PCDH15: variants seen among roughly 807,000 people sequenced by gnomAD.
PCDH15 encodes the protein protocadherin related 15.
PCDH15 carries 129 observed loss-of-function variants against 178.5 expected under a neutral mutation model. That is an observed-to-expected ratio of 0.72 (90% CI 0.63 to 0.84). The LOEUF is 0.84. Among genes scored for constraint, PCDH15 ranks in the 40% least tolerant of loss-of-function variants. The probability of loss-of-function intolerance (pLI) is 0.00; values close to 1 mark genes in which losing one functional copy is unlikely to be tolerated. For missense variants in PCDH15, 2,230 were observed against 2,099.9 expected (o/e 1.06, Z -1.21); for synonymous variants, 800 against 732.0 (o/e 1.09, Z -1.50).
intron 2 of PCDH15, among the ~76,000 whole-genome samples, chr10:55,506,606 G>A (rs771261785): frequency 3.3e-5 from 5 of 151,484 alleles, no homozygotes; most frequent in Non-Finnish European, 1.5e-5. Flanking sequence ...AAGAGGTATC[G>A]AGGAGGAACA....
chr10:53,831,290 A>C, intron 30 of PCDH15, 25 bp downstream of exon 30: 1 of 1,605,760 alleles, frequency 6.2e-7, no homozygotes, highest in Non-Finnish European at 8.5e-7. Context: ...GGAACTATCC[A>C]GGTTTACCAT....
chr10:54,045,055 T>C (rs572948353), intron 18 of PCDH15, among the ~76,000 whole-genome samples: 9 of 152,200 alleles, frequency 5.9e-5, no homozygotes, highest in East Asian at 3.9e-4. Context: ...AGTAGAATAC[T>C]GGAAAAGCCT....
chr10:54,066,682 T>C, intron 18 of PCDH15, 75 bp downstream of exon 18: 1 of 1,482,740 alleles, frequency 6.7e-7, no homozygotes, highest in South Asian at 1.2e-5. Context: ...CTGAGTTTCT[T>C]TTGAGAATTA....
intron 3 of PCDH15, among the ~76,000 whole-genome samples, chr10:54,395,605 A>T (rs1440430350): frequency 6.6e-6 from 1 of 151,922 alleles, no homozygotes; most frequent in Non-Finnish European, 1.5e-5. Context: ...TTAAAGTCAC[A>T]GTTTCCAAGA....
At chr10:54,463,333 TTA>T (rs2077315066) in intron 3 of PCDH15, among the ~76,000 whole-genome samples, 1 of 152,190 alleles carries the variant, frequency 6.6e-6, no homozygotes, top group African/African-American at 2.4e-5. Flanking sequence ...TTCAAAATAA[TTA>T]TGTTTTACCA....
chr10:54,476,781 T>C (rs1223134841), intron 3 of PCDH15, among the ~76,000 whole-genome samples: 1 of 152,140 alleles, frequency 6.6e-6, no homozygotes, highest in African/African-American at 2.4e-5. Context: ...TGTTATTCTG[T>C]GGTCATCTAT....
At chr10:54,593,587 G>T (rs2092021341) in intron 2 of PCDH15, among the ~76,000 whole-genome samples, 1 of 152,000 alleles carries the variant, frequency 6.6e-6, no homozygotes, top group East Asian at 1.9e-4. Flanking sequence ...AAATTATTTT[G>T]AAATCAGAAA....
chr10:55,485,666 AC>A (rs1444816426), intron 2 of PCDH15, among the ~76,000 whole-genome samples: 1 of 151,604 alleles, frequency 6.6e-6, no homozygotes, highest in Non-Finnish European at 1.5e-5. Context: ...AGGATTTAAC[AC>A]AGGTATGTCA....
chr10:53,879,100 C>CT (rs34125585), intron 26 of PCDH15, among the ~76,000 whole-genome samples: 279 of 150,152 alleles, frequency 1.9e-3, no homozygotes, highest in African/African-American at 5.9e-3. Context: ...TCTATTTGTT[C>CT]TTTTTTTTTT....
chr10:55,567,085 T>C (rs985272372), intron 2 of PCDH15, among the ~76,000 whole-genome samples: 8 of 151,962 alleles, frequency 5.3e-5, no homozygotes, highest in African/African-American at 1.9e-4. Context: ...GACAGACATA[T>C]GGACCGGTGT....
intron 2 of PCDH15, among the ~76,000 whole-genome samples, chr10:55,547,046 A>G (rs1841899658): frequency 6.6e-6 from 1 of 152,158 alleles, no homozygotes; most frequent in Admixed American, 6.5e-5. Context: ...AAGGAGATTC[A>G]GAACAAAGAA....
At chr10:54,067,733 G>T (rs2094164351) in intron 17 of PCDH15, among the ~76,000 whole-genome samples, 1 of 143,842 alleles carries the variant, frequency 7.0e-6, no homozygotes, top group South Asian at 2.1e-4. Context: ...AAGAAACCTG[G>T]TATGCTATGG....
chr10:54,645,041 C>A (rs2094095148), intron 2 of PCDH15, among the ~76,000 whole-genome samples: 1 of 152,154 alleles, frequency 6.6e-6, no homozygotes, highest in South Asian at 2.1e-4. Flanking sequence ...ATTATGTTAT[C>A]TATAAATTAC....
intron 1 of PCDH15, among the ~76,000 whole-genome samples, chr10:55,255,615 T>C (rs1160405952): frequency 1.3e-5 from 2 of 152,130 alleles, no homozygotes; most frequent in Non-Finnish European, 2.9e-5. Context: ...CCAGCACCTG[T>C]TGTTTCCTGA....
chr10:53,925,113 C>T (rs533156487), intron 25 of PCDH15, among the ~76,000 whole-genome samples: 42 of 152,226 alleles, frequency 2.8e-4, no homozygotes, highest in African/African-American at 9.9e-4. Context: ...CAGCTGGGGT[C>T]CTCTTCCACA....
intron 2 of PCDH15, among the ~76,000 whole-genome samples, chr10:55,600,434 C>T (rs1056668283): frequency 2.6e-5 from 4 of 151,956 alleles, no homozygotes; most frequent in African/African-American, 7.2e-5. Flanking sequence ...AAACTAAGAC[C>T]GCACTAGTGT....
intron 1 of PCDH15, among the ~76,000 whole-genome samples, chr10:54,777,955 A>G (rs1453990918): frequency 6.6e-6 from 1 of 152,190 alleles, no homozygotes; most frequent in Non-Finnish European, 1.5e-5. Context: ...GAAGATCAGT[A>G]GAGTTGAGCT....
intron 8 of PCDH15, among the ~76,000 whole-genome samples, chr10:54,282,795 T>A (rs1014371499): frequency 3.2e-4 from 48 of 152,110 alleles, no homozygotes; most frequent in Non-Finnish European, 1.3e-4. Flanking sequence ...ATACAAATAT[T>A]GTGAATAAAA....
At chr10:53,961,422 T>C (rs1293141973) in intron 22 of PCDH15, among the ~76,000 whole-genome samples, 1 of 152,034 alleles carries the variant, frequency 6.6e-6, no homozygotes, top group East Asian at 1.9e-4. Context: ...ATGTCACTTA[T>C]TGGCATAGAC....
Sources: gnomAD v4.1 joint callset for allele counts (sites outside exome capture counted in the v4.1 genomes callset) on GRCh38, gnomAD v4.1.1 for gene constraint, MANE v1.5 for transcripts, NCBI Gene and HGNC (gene_info 2026-07-23, HGNC 2026-07-21) for gene names.